KANK1: variants seen among roughly 807,000 people sequenced by gnomAD.
The protein encoded by KANK1 is KN motif and ankyrin repeat domain-containing protein 1.
Under a neutral mutation model 106.2 loss-of-function variants are expected in KANK1, and 109 were observed. The ratio of observed to expected loss-of-function variants is 1.03; its 90% CI spans 0.88 to 1.20. The LOEUF (loss-of-function observed/expected upper bound fraction) is 1.20, where lower values mean the gene tolerates loss of function less well. KANK1 is among the 50% of genes most tolerant of loss of function. The probability of loss-of-function intolerance (pLI) is 0.00; values close to 1 mark genes in which losing one functional copy is unlikely to be tolerated. For missense variants in KANK1, 2,399 were observed against 1,710.7 expected (o/e 1.40, Z -7.10); for synonymous variants, 873 against 652.2 (o/e 1.34, Z -5.16).
chr9:582,663 A>T lies in KANK1; in HGVS notation c.-84+77909A>T, dbSNP rs141003857. On this transcript the variant is annotated intron_variant, in intron 1 of 11. Transcript: ENST00000382297. Reference sequence around the variant, plus strand: ...GGGTGGGAGAACTATGATTAAATAAAGGAGATCTCTGTAGAGTATGGCAAA... The same window carrying T: ...GGGTGGGAGAACTATGATTAAATAATGGAGATCTCTGTAGAGTATGGCAAA... Among the ~76,000 whole-genome samples the T allele has an allele frequency of 2.0e-5, 3 of 152,334 alleles. No individual in the cohort carries two copies. The East Asian group carries it at 5.8e-4, about 29-fold the overall frequency.
At chr9:583,007 CACTT>C (rs937155130) in intron 1 of KANK1, among the ~76,000 whole-genome samples, 4 of 152,132 alleles carry the variant, frequency 2.6e-5, no homozygotes, top group African/African-American at 4.8e-5. Flanking sequence ...ATCAGAATGA[CACTT>C]AATAGTAAAG....
Position 727,176 on chromosome 9 carries a change from A to G in KANK1, c.2699-2875A>G, listed in dbSNP as rs146375546. On this transcript the variant is annotated intron_variant, in intron 3 of 11. Transcript: ENST00000382297. ...TCTGCCTCTTTTTACTGTTTTAAAC[A>G]TGGAAACAATAGCCTTCTGTGTCTT... is the stretch of plus-strand genomic sequence containing the variant. Among the ~76,000 whole-genome samples, 440 of 152,332 alleles carry G rather than the reference A, an allele frequency of 2.9e-3. 6 individuals are homozygous for G. Among genetic ancestry groups the G allele is most frequent in the East Asian group, 6.4e-3 (33 of 5,188 alleles).
At chr9:667,413 T>G (rs887650380) in intron 1 of KANK1, among the ~76,000 whole-genome samples, 1 of 152,068 alleles carries the variant, frequency 6.6e-6, no homozygotes, top group Non-Finnish European at 1.5e-5. Context: ...TCATTTATTT[T>G]TGCTCTGATC....
rs1257538497 is a variant in KANK1, at chr9:710,919, C to T, written c.153C>T (p.Asp51=). The T allele has an allele frequency of 1.2e-6, 2 of 1,614,150 alleles. No individual in the cohort carries two copies. Among genetic ancestry groups the T allele is most frequent in the Admixed American group, 3.3e-5 (2 of 60,020 alleles). Residue 51 remains aspartate, a synonymous_variant, in exon 3 of 12, where the codon GAC becomes GAT. Coordinates refer to ENST00000382297, the MANE Select transcript of KANK1 (RefSeq NM_015158.5). The part of the protein sequence containing the change: ...LDLDFLKYVD[D]IQKGNTIKRL... Reference sequence around the variant, plus strand: ...TAGATTTCCTCAAATATGTGGATGACATACAGAAGGGAAATACCATCAAAA... The same window carrying T: ...TAGATTTCCTCAAATATGTGGATGATATACAGAAGGGAAATACCATCAAAA...
chr9:551,671 C>G (rs765614114), intron 1 of KANK1, among the ~76,000 whole-genome samples: 6 of 152,042 alleles, frequency 3.9e-5, no homozygotes, highest in Non-Finnish European at 5.9e-5. Flanking sequence ...ATGGTTCTTG[C>G]CTCCACACAG....
At chr9:508,548 C>CATT (rs2058881233) in intron 1 of KANK1, among the ~76,000 whole-genome samples, 1 of 146,258 alleles carries the variant, frequency 6.8e-6, no homozygotes, top group African/African-American at 2.8e-5. Context: ...GCAGAAGTGC[C>CATT]CCTATACTCT....
chr9:627,294 G>A (rs1268605270), intron 1 of KANK1, among the ~76,000 whole-genome samples: 1 of 152,112 alleles, frequency 6.6e-6, no homozygotes, highest in Non-Finnish European at 1.5e-5. Context: ...CACAAAGCCT[G>A]ATTTGAGTAC....
intron 1 of KANK1, among the ~76,000 whole-genome samples, chr9:522,453 C>T (rs543589273): frequency 6.6e-6 from 1 of 151,702 alleles, no homozygotes; most frequent in South Asian, 2.1e-4. Context: ...TTTTCACAAG[C>T]AGAGCATATG....
chr9:642,163 C>T (rs1048630776), intron 1 of KANK1, among the ~76,000 whole-genome samples: 6 of 151,484 alleles, frequency 4.0e-5, no homozygotes, highest in East Asian at 3.8e-4. Context: ...ACTTCTGACA[C>T]GGCAGATGCT....
intron 1 of KANK1, among the ~76,000 whole-genome samples, chr9:656,198 T>A (rs1842104942): frequency 6.6e-6 from 1 of 152,138 alleles, no homozygotes; most frequent in African/African-American, 2.4e-5. Flanking sequence ...ATCTGGCAGG[T>A]CCCACAGTCT....
rs183579286 is a variant in KANK1 at position 528,922 on chromosome 9, C to T, written c.-84+24168C>T. 7.2e-5 allele frequency among the ~76,000 whole-genome samples: 11 copies of T among 152,164 alleles called. No homozygotes were observed. In the East Asian group the frequency reaches 2.1e-3, roughly 29 times the overall value. On this transcript the variant is annotated intron_variant, in intron 1 of 11. Transcript: ENST00000382297. ...TTAAGCAATCATCCCACCTCAGCCT[C>T]CCGAGTAGCTGGGACTACAGGTGCA...
Position 710,920 on chromosome 9 carries a change from A to G in KANK1, c.154A>G (p.Ile52Val), listed in dbSNP as rs1564032396. ...DLDFLKYVDD[I>V]QKGNTIKRLN... The stretch of plus-strand genomic sequence containing the variant: ...AGATTTCCTCAAATATGTGGATGAC[A>G]TACAGAAGGGAAATACCATCAAAAG... The change falls in exon 3 of 12, where the codon ATA becomes GTA. Residue 52 changes from isoleucine (I) to valine (V), a missense_variant. Transcript: ENST00000382297. The G allele has an allele frequency of 1.2e-6, 2 of 1,614,196 alleles. No individual in the cohort carries two copies. The highest frequency in any genetic ancestry group is 1.1e-5 in the South Asian group (1 of 91,086).
At chr9:732,001 A>G (rs1395271445) in intron 5 of KANK1, 2 of 172,874 alleles carry the variant, frequency 1.2e-5, no homozygotes, top group East Asian at 2.9e-4. Context: ...TATGTAATCT[A>G]TTCCCCTTGA....
chr9:588,529 TATTG>T (rs1391819764), intron 1 of KANK1, among the ~76,000 whole-genome samples: 1 of 152,142 alleles, frequency 6.6e-6, no homozygotes, highest in Non-Finnish European at 1.5e-5. Context: ...AGTAGCAGTA[TATTG>T]AAGTACCTGG....
intron 1 of KANK1, among the ~76,000 whole-genome samples, chr9:535,805 G>A (rs1199534515): frequency 6.6e-6 from 1 of 152,166 alleles, no homozygotes; most frequent in Non-Finnish European, 1.5e-5. Context: ...CTCGTCACAA[G>A]CAGTCTTCTG....
chr9:561,143 C>T (rs4740817), intron 1 of KANK1, among the ~76,000 whole-genome samples: 38,113 of 152,000 alleles, frequency 0.25, 5,055 homozygotes, highest in Admixed American at 0.37. Flanking sequence ...AGTTGAAAGG[C>T]TATCGGGGTG....
At chr9:539,860 A>T (rs887994790) in intron 1 of KANK1, among the ~76,000 whole-genome samples, 1 of 152,308 alleles carries the variant, frequency 6.6e-6, no homozygotes, top group South Asian at 2.1e-4. Context: ...TAGTATATAT[A>T]ATAGAAGTGC....
chr9:628,488 C>T (rs772206953), intron 1 of KANK1, among the ~76,000 whole-genome samples: 5 of 152,178 alleles, frequency 3.3e-5, no homozygotes, highest in Non-Finnish European at 5.9e-5. Context: ...CTTAAAGTTG[C>T]CATGGAAGTT....
intron 3 of KANK1, among the ~76,000 whole-genome samples, chr9:722,071 T>C (rs1829478838): frequency 6.6e-6 from 1 of 152,238 alleles, no homozygotes; most frequent in Non-Finnish European, 1.5e-5. Flanking sequence ...GACTCCGTCT[T>C]ACTTCTGACC....
Sources: gnomAD v4.1 joint callset for allele counts (sites outside exome capture counted in the v4.1 genomes callset) on GRCh38, gnomAD v4.1.1 for gene constraint, MANE v1.5 for transcripts, NCBI Gene and HGNC (gene_info 2026-07-23, HGNC 2026-07-21) for gene names.